CMTM8: variants seen among roughly 807,000 people sequenced by gnomAD.
CMTM8 encodes the protein CKLF-like MARVEL transmembrane domain-containing protein 8.
CMTM8 carries 12 observed loss-of-function variants against 18.6 expected under a neutral mutation model. The observed-to-expected ratio is 0.65, with a 90% confidence interval of 0.41 to 1.05. The LOEUF (loss-of-function observed/expected upper bound fraction) is 1.05. Ranked by LOEUF, CMTM8 falls within the 50% of genes least tolerant of loss-of-function variation. The pLI is 0.00. For synonymous variants in CMTM8, 87 were observed against 90.6 expected, an observed-to-expected ratio of 0.96 and a Z score of 0.23; for missense variants, 217 against 227.2, an observed-to-expected ratio of 0.95 and a Z score of 0.29.
chr3:32,308,118 C>T (rs1695751475), intron 1 of CMTM8, among the ~76,000 whole-genome samples: 1 of 152,178 alleles, frequency 6.6e-6, no homozygotes, highest in Non-Finnish European at 1.5e-5. Context: ...TCATAAGAGA[C>T]TTAAGCATCC....
At chr3:32,331,985 G>A (rs2125584286) in intron 1 of CMTM8, among the ~76,000 whole-genome samples, 1 of 152,132 alleles carries the variant, frequency 6.6e-6, no homozygotes, top group East Asian at 1.9e-4. Flanking sequence ...CAACACTACT[G>A]TGTATTTAAA....
intron 1 of CMTM8, chr3:32,260,033 C>A: frequency 1.8e-6 from 2 of 1,140,886 alleles, no homozygotes; most frequent in East Asian, 2.4e-5. Context: ...GTACAAGGCC[C>A]TGCTGAACAT....
intron 1 of CMTM8, among the ~76,000 whole-genome samples, chr3:32,319,074 A>ATATATATTTTT: frequency 1.9e-4 from 6 of 31,530 alleles, no homozygotes; most frequent in East Asian, 1.6e-3. Context: ...ATATATATAT[A>ATATATATTTTT]TTTTTTTTTT....
chr3:32,302,193 G>A (rs1433383568), intron 1 of CMTM8, among the ~76,000 whole-genome samples: 4 of 152,180 alleles, frequency 2.6e-5, no homozygotes, highest in Non-Finnish European at 4.4e-5. Context: ...ACTTGGAGGT[G>A]GGGGCTAAGG....
At chr3:32,343,665 G>T (rs189230039) in intron 1 of CMTM8, among the ~76,000 whole-genome samples, 21 of 152,034 alleles carry the variant, frequency 1.4e-4, no homozygotes, top group African/African-American at 5.1e-4. Flanking sequence ...TTTCCCCATC[G>T]TTGCACTGCC....
chr3:32,301,634 G>A (rs772022800), intron 1 of CMTM8, among the ~76,000 whole-genome samples: 7 of 151,884 alleles, frequency 4.6e-5, no homozygotes, highest in Non-Finnish European at 8.8e-5. Flanking sequence ...GACTCATCCC[G>A]GCATCGGTGA....
chr3:32,277,083 C>T (rs1191786910), intron 1 of CMTM8, among the ~76,000 whole-genome samples: 1 of 151,806 alleles, frequency 6.6e-6, no homozygotes, highest in Non-Finnish European at 1.5e-5. Context: ...ATTGGGGTCT[C>T]ACCATGTTGC....
chr3:32,249,073 C>T (rs1359933234), intron 1 of CMTM8, among the ~76,000 whole-genome samples: 4 of 113,596 alleles, frequency 3.5e-5, no homozygotes, highest in Admixed American at 1.1e-4. Flanking sequence ...CGGAGTCTCA[C>T]GCTTTCGCCC....
intron 2 of CMTM8, among the ~76,000 whole-genome samples, chr3:32,365,908 G>A (rs1293431300): frequency 6.6e-6 from 1 of 152,154 alleles, no homozygotes; most frequent in Non-Finnish European, 1.5e-5. Context: ...ATGAAACTCA[G>A]TAACATTCTA....
intron 1 of CMTM8, among the ~76,000 whole-genome samples, chr3:32,299,122 C>T (rs1167509530): frequency 6.6e-6 from 1 of 151,742 alleles, no homozygotes; most frequent in African/African-American, 2.4e-5. Context: ...TGGGATCACA[C>T]CTCAAAGAGT....
At chr3:32,306,616 GA>G (rs1278190137) in intron 1 of CMTM8, among the ~76,000 whole-genome samples, 1 of 152,174 alleles carries the variant, frequency 6.6e-6, no homozygotes, top group Non-Finnish European at 1.5e-5. Flanking sequence ...TGATAATTTG[GA>G]AGCTATATTC....
At chr3:32,275,364 T>G (rs1361424127) in intron 1 of CMTM8, among the ~76,000 whole-genome samples, 1 of 152,222 alleles carries the variant, frequency 6.6e-6, no homozygotes, top group African/African-American at 2.4e-5. Flanking sequence ...CTTTGAGTCT[T>G]GGCCCTGCTG....
At chr3:32,356,014 A>G (rs910504225) in intron 1 of CMTM8, among the ~76,000 whole-genome samples, 1 of 152,082 alleles carries the variant, frequency 6.6e-6, no homozygotes, top group African/African-American at 2.4e-5. Flanking sequence ...AACATTTGCC[A>G]CAGTTGTAAT....
chr3:32,243,162 G>A (rs1375350036), intron 1 of CMTM8, among the ~76,000 whole-genome samples: 1 of 151,808 alleles, frequency 6.6e-6, no homozygotes, highest in Non-Finnish European at 1.5e-5. Context: ...CAAAGTGCTG[G>A]GATTACAGGT....
intron 1 of CMTM8, among the ~76,000 whole-genome samples, chr3:32,357,169 G>T (rs1575094122): frequency 6.6e-6 from 1 of 152,148 alleles, no homozygotes; most frequent in Non-Finnish European, 1.5e-5. Context: ...CCTTGAACCC[G>T]GGAGGTGGAG....
intron 1 of CMTM8, among the ~76,000 whole-genome samples, chr3:32,302,062 G>T (rs1695628553): frequency 6.6e-6 from 1 of 151,174 alleles, no homozygotes; most frequent in South Asian, 2.1e-4. Flanking sequence ...GCCAGACATG[G>T]TGGCTCATGC....
intron 1 of CMTM8, among the ~76,000 whole-genome samples, chr3:32,290,938 G>A (rs1453891424): frequency 6.6e-6 from 1 of 152,116 alleles, no homozygotes; most frequent in Non-Finnish European, 1.5e-5. Flanking sequence ...TCAAGACACG[G>A]GGTTTTGCCA....
chr3:32,247,476 C>G (rs1302701103), intron 1 of CMTM8, among the ~76,000 whole-genome samples: 1 of 152,128 alleles, frequency 6.6e-6, no homozygotes. Flanking sequence ...CCACACCTGG[C>G]TAATTTTTTC....
chr3:32,297,169 C>T (rs1216549252), intron 1 of CMTM8, among the ~76,000 whole-genome samples: 1 of 152,054 alleles, frequency 6.6e-6, no homozygotes, highest in Non-Finnish European at 1.5e-5. Context: ...GATATCTAAA[C>T]TTTATTTTTT....
Sources: gnomAD v4.1 joint callset for allele counts (sites outside exome capture counted in the v4.1 genomes callset) on GRCh38, gnomAD v4.1.1 for gene constraint, MANE v1.5 for transcripts, NCBI Gene and HGNC (gene_info 2026-07-23, HGNC 2026-07-21) for gene names.